CDK8: variants seen among roughly 807,000 people sequenced by gnomAD.
CDK8 encodes the protein cyclin-dependent kinase 8.
A neutral mutation model predicts 71.5 loss-of-function variants in CDK8; 29 were observed. The observed-to-expected ratio is 0.41, with a 90% CI of 0.30 to 0.55. The LOEUF is 0.55. Ranked by LOEUF, CDK8 falls within the 20% of genes least tolerant of loss-of-function variation. The probability of loss-of-function intolerance (pLI) is 0.37; values close to 1 mark genes in which losing one functional copy is unlikely to be tolerated. For synonymous variants in CDK8, 161 were observed against 192.1 expected, an observed-to-expected ratio of 0.84 and a Z score of 1.34; for missense variants, 288 against 572.6, an observed-to-expected ratio of 0.50 and a Z score of 5.07.
chr13:26,376,443 C>G (rs1022730349), intron 4 of CDK8, among the ~76,000 whole-genome samples: 1 of 152,030 alleles, frequency 6.6e-6, no homozygotes, highest in Admixed American at 6.5e-5. Context: ...TGCAATTAAT[C>G]AGATTTGAAA....
intron 4 of CDK8, among the ~76,000 whole-genome samples, chr13:26,364,949 C>T (rs1261142039): frequency 1.3e-5 from 2 of 152,104 alleles, no homozygotes; most frequent in East Asian, 1.9e-4. Flanking sequence ...TTTTCCTTAT[C>T]TGTGCTGTAG....
At chr13:26,375,042 A>G (rs962663490) in intron 4 of CDK8, among the ~76,000 whole-genome samples, 1 of 152,168 alleles carries the variant, frequency 6.6e-6, no homozygotes, top group Non-Finnish European at 1.5e-5. Flanking sequence ...CATATCAGAA[A>G]AGTAATTTTG....
intron 4 of CDK8, among the ~76,000 whole-genome samples, chr13:26,370,468 G>A (rs1874613279): frequency 6.6e-6 from 1 of 152,142 alleles, no homozygotes; most frequent in African/African-American, 2.4e-5. Flanking sequence ...ATTTCTGGTT[G>A]AAATTCTTAA....
chr13:26,322,820 A>G (rs1054587829), intron 1 of CDK8, among the ~76,000 whole-genome samples: 1 of 152,028 alleles, frequency 6.6e-6, no homozygotes, highest in Admixed American at 6.6e-5. Context: ...GGTCTTGTTA[A>G]TTTTATTGTG....
intron 3 of CDK8, 50 bp downstream of exon 3, chr13:26,349,232 A>G (rs750683825): frequency 2.9e-5 from 29 of 1,003,220 alleles, no homozygotes; most frequent in Non-Finnish European, 4.0e-5. Context: ...GATTGTTAAG[A>G]GTAACTAAAA....
chr13:26,350,416 CT>C, intron 3 of CDK8, among the ~76,000 whole-genome samples: 1 of 152,306 alleles, frequency 6.6e-6, no homozygotes, highest in East Asian at 1.9e-4. Context: ...AGGAAGATCA[CT>C]TGAGCCAAAG....
chr13:26,329,980 A>G (rs1875233522), intron 1 of CDK8, among the ~76,000 whole-genome samples: 2 of 152,050 alleles, frequency 1.3e-5, no homozygotes, highest in Admixed American at 1.3e-4. Flanking sequence ...GGGGTGTCTC[A>G]TGTAACTACT....
chr13:26,353,678 T>A, intron 3 of CDK8, 62 bp from the exon 4 acceptor site: 1 of 1,302,860 alleles, frequency 7.7e-7, no homozygotes, highest in Non-Finnish European at 1.1e-6. Flanking sequence ...AGGAAAATAT[T>A]ATACATCAAA....
chr13:26,403,941 T>C lies in CDK8; in HGVS notation c.1270-15T>C. 1 of 1,609,446 alleles carries C rather than the reference T, an allele frequency of 6.2e-7. No individual in the cohort carries two copies. The highest frequency in any genetic ancestry group is 2.2e-5 in the East Asian group (1 of 44,878). On this transcript the variant is annotated splice_polypyrimidine_tract_variant and intron_variant, in intron 12 of 12. Coordinates refer to ENST00000381527, the MANE Select transcript of CDK8 (RefSeq NM_001260.3). ...GAAGCACCTGAATCACACTTTTCCC[T>C]CATCTCCTTTCCAGCGTTCCAATCC...
At chr13:26,289,486 C>G (rs1293910774) in intron 1 of CDK8, among the ~76,000 whole-genome samples, 3 of 152,086 alleles carry the variant, frequency 2.0e-5, no homozygotes, top group Non-Finnish European at 4.4e-5. Flanking sequence ...GTGTTTGTTG[C>G]TAGTATTTGA....
At chr13:26,303,313 T>C (rs1193193677) in intron 1 of CDK8, among the ~76,000 whole-genome samples, 1 of 152,160 alleles carries the variant, frequency 6.6e-6, no homozygotes, top group East Asian at 1.9e-4. Flanking sequence ...ATATTTCTTT[T>C]TTTTTTGAGA....
chr13:26,346,257 C>T (rs1756914329), intron 2 of CDK8, among the ~76,000 whole-genome samples: 1 of 152,110 alleles, frequency 6.6e-6, no homozygotes, highest in Admixed American at 6.5e-5. Context: ...ATGTCACATG[C>T]CTAGTACCAT....
intron 1 of CDK8, among the ~76,000 whole-genome samples, chr13:26,318,416 A>T (rs1430370824): frequency 6.6e-6 from 1 of 152,150 alleles, no homozygotes; most frequent in African/African-American, 2.4e-5. Flanking sequence ...AGTGGAGGAA[A>T]CACTTCCTAA....
intron 8 of CDK8, among the ~76,000 whole-genome samples, chr13:26,396,897 GAAAA>G (rs34124632): frequency 6.7e-6 from 1 of 150,284 alleles, no homozygotes; most frequent in Non-Finnish European, 1.5e-5. Flanking sequence ...TAATTCATGT[GAAAA>G]AAAAAGCTGT....
intron 1 of CDK8, among the ~76,000 whole-genome samples, chr13:26,323,421 C>T (rs967401613): frequency 9.3e-5 from 14 of 151,290 alleles, no homozygotes; most frequent in South Asian, 4.2e-4. Flanking sequence ...TGGCACTAAT[C>T]TCATCTTGAA....
chr13:26,345,811 A>G (rs1292942903), intron 2 of CDK8, among the ~76,000 whole-genome samples: 1 of 152,208 alleles, frequency 6.6e-6, no homozygotes, highest in African/African-American at 2.4e-5. Flanking sequence ...TTAGTTGTGC[A>G]TTTTGTTAAT....
intron 1 of CDK8, among the ~76,000 whole-genome samples, chr13:26,336,779 C>T (rs955656558): frequency 6.6e-6 from 1 of 152,096 alleles, no homozygotes; most frequent in Non-Finnish European, 1.5e-5. Context: ...TGGTCTCGAT[C>T]TCCTGACCTC....
intron 12 of CDK8, among the ~76,000 whole-genome samples, chr13:26,402,707 G>A (rs1004008761): frequency 2.0e-5 from 3 of 152,126 alleles, no homozygotes; most frequent in African/African-American, 4.8e-5. Context: ...CTTCCTTTCC[G>A]GATGGGAAGA....
In CDK8 at chr13:26,362,951, G is replaced by A. The variant is rs201087050; in HGVS notation, c.456+9071G>A. On this transcript the variant is annotated intron_variant, in intron 4 of 12. Transcript: ENST00000381527. ...TATTGTAGTCCTGTTTTACTAAATG[G>A]CATATAATGTTGAGTGAGATATACT... Among the ~76,000 whole-genome samples, 8 of 151,402 alleles carry A rather than the reference G, an allele frequency of 5.3e-5. No individual in the cohort carries two copies. In the East Asian group the frequency reaches 1.6e-3, roughly 29 times the overall value.
Sources: gnomAD v4.1 joint callset for allele counts (sites outside exome capture counted in the v4.1 genomes callset) on GRCh38, gnomAD v4.1.1 for gene constraint, MANE v1.5 for transcripts, NCBI Gene and HGNC (gene_info 2026-07-23, HGNC 2026-07-21) for gene names.